RYR2: variants seen among roughly 807,000 people sequenced by gnomAD.
RYR2 encodes the protein cardiac muscle ryanodine receptor-calcium release channel.
Under a neutral mutation model 601.1 loss-of-function variants are expected in RYR2, and 227 were observed. That is an observed-to-expected ratio of 0.38 (90% CI 0.34 to 0.42). RYR2 has a LOEUF of 0.42. RYR2 is among the 10% of genes least tolerant of loss of function. RYR2 has a pLI of 1.00. For missense variants in RYR2, 4,646 were observed against 6,156.5 expected, an observed-to-expected ratio of 0.75 and a Z score of 8.21; for synonymous variants, 2,223 against 2,175.1, an observed-to-expected ratio of 1.02 and a Z score of -0.61.
chr1:237,328,158 T>C (rs933786417), intron 2 of RYR2, among the ~76,000 whole-genome samples: 5 of 152,238 alleles, frequency 3.3e-5, no homozygotes, highest in African/African-American at 1.2e-4. Flanking sequence ...GGCATTTTTT[T>C]TCAAGTCAGT....
chr1:237,081,930 G>A (rs1665731288), intron 1 of RYR2, among the ~76,000 whole-genome samples: 1 of 152,148 alleles, frequency 6.6e-6, no homozygotes, highest in Non-Finnish European at 1.5e-5. Flanking sequence ...GGAGACATCA[G>A]CACCTGTGCA....
chr1:237,179,813 G>A (rs1237472584), intron 1 of RYR2, among the ~76,000 whole-genome samples: 1 of 152,072 alleles, frequency 6.6e-6, no homozygotes, highest in Non-Finnish European at 1.5e-5. Context: ...GGAGAAGCGT[G>A]GGGGAATCTG....
intron 100 of RYR2, 137 bp downstream of exon 100, chr1:237,809,172 G>A: frequency 5.0e-6 from 4 of 801,050 alleles, no homozygotes; most frequent in Non-Finnish European, 8.0e-6. Context: ...GCTGTTTAAA[G>A]ATTCAGCAGT....
At chr1:237,516,451 T>C (rs1461194555) in intron 24 of RYR2, among the ~76,000 whole-genome samples, 1 of 152,110 alleles carries the variant, frequency 6.6e-6, no homozygotes, top group African/African-American at 2.4e-5. Context: ...TGTGAATCTT[T>C]ATGTTCAGTC....
chr1:237,573,191 T>C (rs750820935), intron 29 of RYR2, among the ~76,000 whole-genome samples: 21 of 151,772 alleles, frequency 1.4e-4, no homozygotes, highest in Non-Finnish European at 1.6e-4. Context: ...TGTGGTAAGA[T>C]GGATAAATGT....
chr1:237,288,900 G>C (rs1691884751), intron 2 of RYR2, among the ~76,000 whole-genome samples: 1 of 152,090 alleles, frequency 6.6e-6, no homozygotes, highest in Non-Finnish European at 1.5e-5. Context: ...GTTTTACCCC[G>C]TGCTCCTCTC....
intron 1 of RYR2, among the ~76,000 whole-genome samples, chr1:237,269,955 G>A (rs1689518031): frequency 6.6e-6 from 1 of 152,172 alleles, no homozygotes; most frequent in African/African-American, 2.4e-5. Context: ...AGCAACCCAG[G>A]ATCCTTTCTG....
chr1:237,660,882 A>G lies in RYR2; in HGVS notation c.8371A>G (p.Arg2791Gly). The G allele has an allele frequency of 6.5e-7, 1 of 1,540,670 alleles. No individual in the cohort carries two copies. Among genetic ancestry groups the G allele is most frequent in the Non-Finnish European group, 8.8e-7 (1 of 1,140,506 alleles). ...GCTGGCTTGGGGCTGGAGAATTGAA[A>G]GAACTCGGGAGGGAGACAGCATGGC... is the stretch of plus-strand genomic sequence containing the variant. ...TMLAWGWRIE[R>G]TREGDSMALY... is the part of the protein sequence containing the mutation. Residue 2791 changes from arginine to glycine, a missense_variant, in exon 56 of 105, where the codon AGA (arginine) becomes GGA (glycine). This residue lies in a region of RYR2 where 1,497 missense variants were observed against 1,842.6 expected (regional missense o/e 0.81). Coordinates refer to ENST00000366574, the MANE Select transcript of RYR2 (RefSeq NM_001035.3).
intron 101 of RYR2, 50 bp from the exon 102 acceptor site, chr1:237,828,331 A>T (rs1162342724): frequency 7.5e-7 from 1 of 1,336,436 alleles, no homozygotes; most frequent in South Asian, 1.3e-5. Context: ...CAAGGAACTG[A>T]ATTATTCATT....
chr1:237,276,609 G>A (rs926659408), intron 2 of RYR2, among the ~76,000 whole-genome samples: 6 of 152,094 alleles, frequency 3.9e-5, no homozygotes, highest in African/African-American at 1.4e-4. Context: ...AAGGATAAAG[G>A]GAGTACAAAT....
intron 1 of RYR2, among the ~76,000 whole-genome samples, chr1:237,127,407 CG>C (rs1671573280): frequency 6.8e-6 from 1 of 146,364 alleles, no homozygotes; most frequent in Non-Finnish European, 1.5e-5. Flanking sequence ...GCTGGCCGGG[CG>C]GGGGGCTGAC....
chr1:237,291,261 G>A (rs1692156084), intron 2 of RYR2, among the ~76,000 whole-genome samples: 1 of 152,042 alleles, frequency 6.6e-6, no homozygotes, highest in Non-Finnish European at 1.5e-5. Context: ...TATCAGAAGA[G>A]TGAAAATCCA....
At chr1:237,652,239 G>A (rs1051073995) in intron 51 of RYR2, among the ~76,000 whole-genome samples, 5 of 152,142 alleles carry the variant, frequency 3.3e-5, no homozygotes, top group African/African-American at 4.8e-5. Flanking sequence ...CTCTGTATAT[G>A]CAATTATAGT....
chr1:237,753,914 T>C (rs1692733107), intron 80 of RYR2, among the ~76,000 whole-genome samples: 1 of 151,042 alleles, frequency 6.6e-6, no homozygotes, highest in Non-Finnish European at 1.5e-5. Flanking sequence ...CTGGTTTAGC[T>C]TTCAGAGTTT....
intron 81 of RYR2, among the ~76,000 whole-genome samples, chr1:237,756,774 C>T (rs552340487): frequency 6.6e-6 from 1 of 152,260 alleles, no homozygotes; most frequent in South Asian, 2.1e-4. Flanking sequence ...AGCAGGAAAG[C>T]TGCCAGACAC....
chr1:237,599,904 ATAAAT>A (rs1246490147), intron 34 of RYR2, among the ~76,000 whole-genome samples: 2 of 152,024 alleles, frequency 1.3e-5, no homozygotes, highest in African/African-American at 4.8e-5. Flanking sequence ...CATTGGTGAA[ATAAAT>A]TTAAGAGGAC....
chr1:237,540,794 C>T (rs1167525488), intron 25 of RYR2, among the ~76,000 whole-genome samples: 1 of 151,156 alleles, frequency 6.6e-6, no homozygotes, highest in Non-Finnish European at 1.5e-5. Flanking sequence ...CTTCCCAACA[C>T]AGCCTTAGCC....
chr1:237,402,731 A>T (rs1322244942), intron 10 of RYR2, among the ~76,000 whole-genome samples: 4 of 132,644 alleles, frequency 3.0e-5, no homozygotes, highest in Non-Finnish European at 6.5e-5. Flanking sequence ...CCTGGACAAC[A>T]TAGTGAGATT....
At chr1:237,380,857 T>C (rs894050797) in intron 8 of RYR2, among the ~76,000 whole-genome samples, 3 of 151,944 alleles carry the variant, frequency 2.0e-5, no homozygotes, top group Non-Finnish European at 2.9e-5. Context: ...GCGGGTGGAT[T>C]ACCTGAGGTC....
Sources: allele counts gnomAD v4.1 joint callset (sites outside exome capture counted in the v4.1 genomes callset), GRCh38; gene constraint gnomAD v4.1.1; regional missense constraint gnomAD v4.1.1; transcripts MANE v1.5; gene names NCBI Gene and HGNC (gene_info 2026-07-23, HGNC 2026-07-21).